Variants in TNRC6A observed in about 807,000 individuals in gnomAD.
The protein encoded by TNRC6A is trinucleotide repeat-containing gene 6A protein.
In TNRC6A, 44 loss-of-function variants were observed where a neutral mutation model predicts 221.2. The observed-to-expected ratio is 0.20, with a 90% CI of 0.16 to 0.26. The LOEUF (loss-of-function observed/expected upper bound fraction) is 0.26. Among genes scored for constraint, TNRC6A ranks in the 10% least tolerant of loss-of-function variants. TNRC6A has a pLI of 1.00. For synonymous variants in TNRC6A, 847 were observed against 838.5 expected, an observed-to-expected ratio of 1.01 and a Z score of -0.18; for missense variants, 2,199 against 2,404.4, an observed-to-expected ratio of 0.91 and a Z score of 1.79.
At chr16:24,736,091 G>A (rs759831783) in intron 2 of TNRC6A, among the ~76,000 whole-genome samples, 1 of 152,176 alleles carries the variant, frequency 6.6e-6, no homozygotes, top group Non-Finnish European at 1.5e-5. Context: ...CTTGAACCTG[G>A]GAGGCGAGGG....
At chr16:24,797,355 A>G (rs1366728232) in intron 9 of TNRC6A, 135 bp from the exon 10 acceptor site, 5 of 597,748 alleles carry the variant, frequency 8.4e-6, no homozygotes, top group East Asian at 3.0e-5. Flanking sequence ...AACAACTCTG[A>G]TAAGAGTTGA....
intron 4 of TNRC6A, among the ~76,000 whole-genome samples, chr16:24,769,844 A>G (rs139814739): frequency 2.3e-4 from 35 of 152,204 alleles, no homozygotes; most frequent in East Asian, 1.5e-3. Context: ...GTATTGTTCT[A>G]TCTTGTTTTG....
At chr16:24,630,821 G>A (rs970498177) in intron 1 of TNRC6A, among the ~76,000 whole-genome samples, 1 of 152,148 alleles carries the variant, frequency 6.6e-6, no homozygotes, top group Admixed American at 6.6e-5. Flanking sequence ...TAAAACCCTG[G>A]GATTCCCTGT....
At chr16:24,821,878 A>G in intron 22 of TNRC6A, 199 bp from the exon 23 acceptor site, 1 of 583,800 alleles carries the variant, frequency 1.7e-6, no homozygotes, top group Non-Finnish European at 3.1e-6. Flanking sequence ...CACTGTCGCC[A>G]GAGGCAGAGC....
At chr16:24,815,014 AAG>A (rs1213109383) in intron 18 of TNRC6A, 131 bp from the exon 19 acceptor site, 2 of 928,148 alleles carry the variant, frequency 2.2e-6, no homozygotes, top group East Asian at 2.5e-5. Flanking sequence ...CTCAATATAA[AAG>A]AGTTACTCTA....
intron 17 of TNRC6A, among the ~76,000 whole-genome samples, chr16:24,807,092 G>C (rs1173270541): frequency 6.6e-6 from 1 of 150,984 alleles, no homozygotes; most frequent in Non-Finnish European, 1.5e-5. Context: ...TGCAACCTCT[G>C]CCTCCCGGGT....
intron 2 of TNRC6A, among the ~76,000 whole-genome samples, chr16:24,673,311 A>C (rs2055344246): frequency 6.6e-6 from 1 of 152,226 alleles, no homozygotes; most frequent in Admixed American, 6.5e-5. Context: ...CCAAGATTGA[A>C]GGTCACACAG....
rs1555489486 is a variant in TNRC6A, at chr16:24,687,843, G to GGAAGAGGAAGAAGAAGAAGAAGAA, written n.402+46839_402+46840insGGAAGAAGAAGAAGAAGAAGAAGA. On this transcript the variant is annotated intron_variant and non_coding_transcript_variant, in intron 2 of 2. Transcript: ENST00000566108. ...AAGAGGAAGAAGAGGAAGAGGAAGA[G>GGAAGAGGAAGAAGAAGAAGAAGAA]GAAGAAGAAGAAGAAGAAGAAGAAG... Among the ~76,000 whole-genome samples, 275 of 101,910 alleles carry GGAAGAGGAAGAAGAAGAAGAAGAA rather than the reference G, an allele frequency of 2.7e-3. 6 individuals are homozygous for GGAAGAGGAAGAAGAAGAAGAAGAA. The highest frequency in any genetic ancestry group is 7.7e-3 in the African/African-American group (230 of 29,878). The allele number at this position is 101,910 out of a possible 152,430, so 66.9% of individuals were successfully genotyped here.
In TNRC6A at chr16:24,780,768, TTA is replaced by T. The variant is rs1355854093; in HGVS notation, c.589+3411_589+3412del. ...TTATGTTTGAAGTAGTTTTTTTTTTTTAAAGAAAAAGACATTTGAGGCATAAT... is the reference window on the plus strand; with the variant it reads ...TTATGTTTGAAGTAGTTTTTTTTTTTAAGAAAAAGACATTTGAGGCATAAT... On this transcript the variant is annotated intron_variant, in intron 5 of 24. Coordinates refer to ENST00000395799, the MANE Select transcript of TNRC6A (RefSeq NM_014494.4). 2.6e-5 allele frequency among the ~76,000 whole-genome samples: 4 copies of T among 151,260 alleles called. No individual in the cohort carries two copies. The East Asian group carries it at 8.0e-4, about 30-fold the overall frequency.
chr16:24,687,139 A>G (rs1469174882), intron 2 of TNRC6A, among the ~76,000 whole-genome samples: 1 of 152,170 alleles, frequency 6.6e-6, no homozygotes, highest in Non-Finnish European at 1.5e-5. Context: ...CTGTGAGTCC[A>G]TAGGAGGGAG....
In TNRC6A at chr16:24,814,974, T is replaced by C. The variant is rs1380434405; in HGVS notation, c.4673-173T>C. Among the ~76,000 whole-genome samples the C allele has an allele frequency of 3.9e-5, 6 of 152,234 alleles. No individual in the cohort carries two copies. The East Asian group carries it at 7.7e-4, about 20-fold the overall frequency. ...AAAATGAAATTCACAGTTATCATTT[T>C]CAGACATTCTTCAAATGCGATGTTA... On this transcript the variant is annotated intron_variant, in intron 18 of 24. Coordinates refer to ENST00000395799, the MANE Select transcript of TNRC6A (RefSeq NM_014494.4).
intron 1 of TNRC6A, among the ~76,000 whole-genome samples, chr16:24,617,107 T>G (rs1249112101): frequency 6.6e-6 from 1 of 151,602 alleles, no homozygotes; most frequent in African/African-American, 2.4e-5. Context: ...TATCTATTAG[T>G]TTTTTTGAGC....
intron 1 of TNRC6A, among the ~76,000 whole-genome samples, chr16:24,628,479 C>T (rs1257006739): frequency 2.0e-5 from 3 of 152,028 alleles, no homozygotes; most frequent in Admixed American, 6.6e-5. Context: ...TTCTGTCTCC[C>T]TTTCTACCTT....
chr16:24,690,435 G>A (rs1292960553), intron 2 of TNRC6A, among the ~76,000 whole-genome samples: 1 of 152,142 alleles, frequency 6.6e-6, no homozygotes, highest in Non-Finnish European at 1.5e-5. Context: ...AGCTTCAAGG[G>A]ATGGTATCTT....
At chr16:24,707,373 CA>C (rs1457644171) in intron 2 of TNRC6A, among the ~76,000 whole-genome samples, 35 of 147,420 alleles carry the variant, frequency 2.4e-4, no homozygotes, top group Non-Finnish European at 5.0e-4. Flanking sequence ...CACACACACA[CA>C]CACACATCTT....
chr16:24,747,407 T>C (rs1198189305), intron 2 of TNRC6A, among the ~76,000 whole-genome samples: 1 of 152,066 alleles, frequency 6.6e-6, no homozygotes, highest in African/African-American at 2.4e-5. Context: ...TCATAGAACT[T>C]ACAGATGTGA....
intron 2 of TNRC6A, among the ~76,000 whole-genome samples, chr16:24,668,418 A>G (rs972406236): frequency 6.6e-6 from 1 of 152,180 alleles, no homozygotes; most frequent in Admixed American, 6.6e-5. Flanking sequence ...TGTATATTTC[A>G]GCGCTTGCAC....
intron 2 of TNRC6A, among the ~76,000 whole-genome samples, chr16:24,654,946 A>G (rs1902881501): frequency 6.6e-6 from 1 of 152,066 alleles, no homozygotes; most frequent in Non-Finnish European, 1.5e-5. Flanking sequence ...ATGATCATCT[A>G]TGAGGTAAAG....
chr16:24,683,253 G>A (rs1383536255), intron 2 of TNRC6A, among the ~76,000 whole-genome samples: 1 of 152,152 alleles, frequency 6.6e-6, no homozygotes, highest in Non-Finnish European at 1.5e-5. Context: ...CTGGAGTGCA[G>A]TGGCACAATC....
Sources: allele counts gnomAD v4.1 joint callset (sites outside exome capture counted in the v4.1 genomes callset), GRCh38; gene constraint gnomAD v4.1.1; transcripts MANE v1.5; gene names NCBI Gene and HGNC (gene_info 2026-07-23, HGNC 2026-07-21).